Variants in RAB5C observed in about 807,000 individuals in gnomAD.
RAB5C encodes RAB5C, member RAS oncogene family.
A neutral mutation model predicts 25.2 loss-of-function variants in RAB5C; 4 were observed. The observed-to-expected ratio is 0.16, with a 90% CI of 0.08 to 0.36. The LOEUF is 0.36. Ranked by LOEUF, RAB5C falls within the 10% of genes least tolerant of loss-of-function variation. The pLI, the probability that RAB5C is intolerant of heterozygous loss-of-function variation, is 1.00. For synonymous variants in RAB5C, 100 were observed against 106.4 expected, an observed-to-expected ratio of 0.94 and a Z score of 0.37; for missense variants, 199 against 283.8, an observed-to-expected ratio of 0.70 and a Z score of 2.15.
rs777690967 is a variant in RAB5C at position 42,128,353 on chromosome 17, T to G, written c.349A>C (p.Lys117Gln). The change falls in exon 4 of 6, where the codon AAG becomes CAG. Residue 117 changes from lysine to glutamine, a missense_variant. Physicochemically the swap from Lys to Gln is moderately conservative, Grantham distance 53. Coordinates refer to ENST00000346213, the MANE Select transcript of RAB5C (RefSeq NM_004583.4). Reference protein sequence around the residue: ...DTFARAKNWVKELQRQASPNI... With the variant: ...DTFARAKNWVQELQRQASPNI... ...GGGCTGGCCTGCCTCTGTAGCTCCT[T>G]CACCCAGTTCTTGGCCCGTGCAAAT... 3.1e-6 allele frequency: 5 copies of G among 1,614,068 alleles called. No individual in the cohort carries two copies. Among genetic ancestry groups the G allele is most frequent in the Non-Finnish European group, 2.5e-6 (3 of 1,179,958 alleles).
Position 42,128,608 on chromosome 17 carries a change from G to A in RAB5C, c.318+41C>T, listed in dbSNP as rs554699064. The stretch of plus-strand genomic sequence containing the variant: ...GATAACCCAATCCCTGGGACTTTGA[G>A]AAGATGAAGGGCAAAGGAAGAAGCA... On this transcript the variant is annotated intron_variant, in intron 3 of 5. Transcript: ENST00000346213. 8 of 1,438,030 alleles carry A rather than the reference G, an allele frequency of 5.6e-6. No homozygotes were observed. The African/African-American group carries it at 1.2e-4, about 21-fold the overall frequency. The allele number at this position is 1,438,030 out of a possible 1,614,324, so 89.1% of individuals were successfully genotyped here. A position where few individuals can be genotyped will look rare whatever the true frequency, so the allele number is the denominator to read the frequency against.
intron 1 of RAB5C, among the ~76,000 whole-genome samples, chr17:42,153,418 A>AAAAC (rs956602093): frequency 3.9e-5 from 6 of 152,154 alleles, no homozygotes; most frequent in Admixed American, 2.6e-4. Context: ...CTCCATCTCA[A>AAAAC]AAACAAACAA....
rs952938405 is a variant in RAB5C, at chr17:42,145,184, A to G, written c.-89+9709T>C. 2.0e-5 allele frequency among the ~76,000 whole-genome samples: 3 copies of G among 151,994 alleles called. No individual in the cohort carries two copies. In the East Asian group the frequency reaches 5.8e-4, roughly 29 times the overall value. On this transcript the variant is annotated intron_variant, in intron 1 of 5. Transcript: ENST00000346213. Reference sequence around the variant, plus strand: ...TGAGACTCCATCTCAAAAAAAACAGAAAAAGAAAAAATAATTTAGTAACTC... The same window carrying G: ...TGAGACTCCATCTCAAAAAAAACAGGAAAAGAAAAAATAATTTAGTAACTC...
At chr17:42,153,307 C>T (rs556148720) in intron 1 of RAB5C, among the ~76,000 whole-genome samples, 5 of 152,198 alleles carry the variant, frequency 3.3e-5, no homozygotes, top group African/African-American at 1.2e-4. Flanking sequence ...ATCCCAGCTA[C>T]TCAGGAGGCT....
chr17:42,125,779 G>C lies in RAB5C; in HGVS notation c.*4C>G. On this transcript the variant is annotated 3_prime_UTR_variant, in exon 6 of 6. Transcript: ENST00000346213. ...GGCGGGGGCAGCGGGCAGGCAAGGG[G>C]GGCTCAGTTGCTGCAGCACTGGCTC... 6.3e-7 allele frequency: 1 copy of C among 1,594,458 alleles called. No homozygotes were observed. Among genetic ancestry groups the C allele is most frequent in the Non-Finnish European group, 8.5e-7 (1 of 1,170,760 alleles).
intron 1 of RAB5C, among the ~76,000 whole-genome samples, chr17:42,136,678 T>C (rs2054539713): frequency 6.6e-6 from 1 of 152,190 alleles, no homozygotes; most frequent in Non-Finnish European, 1.5e-5. Context: ...GGCAGGTTTA[T>C]TACCCCAGAG....
intron 2 of RAB5C, among the ~76,000 whole-genome samples, chr17:42,129,792 T>C (rs915600552): frequency 6.6e-6 from 1 of 152,220 alleles, no homozygotes; most frequent in African/African-American, 2.4e-5. Flanking sequence ...CCTCTTGATG[T>C]GTGTGTTAGC....
At chr17:42,128,495 A>T in intron 3 of RAB5C, 112 bp from the exon 4 acceptor site, 1 of 1,457,388 alleles carries the variant, frequency 6.9e-7, no homozygotes, top group East Asian at 2.5e-5. Flanking sequence ...ATTGCCACCT[A>T]AAGATTCTGA....
At position 42,125,810 on chromosome 17, in the gene RAB5C, G is replaced by T; in HGVS notation, c.624C>A (p.Ala208=). 6.2e-7 allele frequency: 1 copy of T among 1,609,128 alleles called. No individual in the cohort carries two copies. Among genetic ancestry groups the T allele is most frequent in the Non-Finnish European group, 8.5e-7 (1 of 1,178,130 alleles). The change falls in exon 6 of 6, where the codon GCC becomes GCA. Residue 208 remains alanine (A), a synonymous_variant. Transcript: ENST00000346213. ...RGVDLQENNP[A]SRSQCCSN ...AGTTGCTGCAGCACTGGCTCCGGCT[G>T]GCTGGGTTGTTCTCCTGGAGGTCCA... is the stretch of plus-strand genomic sequence containing the variant.
intron 4 of RAB5C, among the ~76,000 whole-genome samples, chr17:42,127,366 G>A (rs1196583725): frequency 6.6e-6 from 1 of 152,140 alleles, no homozygotes; most frequent in Non-Finnish European, 1.5e-5. Flanking sequence ...AGTTTCTAGG[G>A]TTAGCAGAGA....
intron 4 of RAB5C, 151 bp downstream of exon 4, chr17:42,128,110 T>TTA: frequency 2.6e-6 from 3 of 1,134,326 alleles, no homozygotes; most frequent in Non-Finnish European, 3.6e-6. Context: ...AGGAGCCATG[T>TTA]TAGGCCCATG....
At chr17:42,128,530 T>TGGGGGGGGGGGGGGGGGGGGGGG in intron 3 of RAB5C, 119 bp downstream of exon 3, 4 of 730,792 alleles carry the variant, frequency 5.5e-6, no homozygotes, top group Non-Finnish European at 8.2e-6. Context: ...ACAGGAAATC[T>TGGGGGGGGGGGGGGGGGGGGGGG]GCCCACCCCC....
At chr17:42,125,934 T>C (rs753037698) in intron 5 of RAB5C, 36 bp from the exon 6 acceptor site, 6 of 1,446,640 alleles carry the variant, frequency 4.1e-6, no homozygotes, top group Admixed American at 3.8e-5. Context: ...TTGTTGGGGG[T>C]ACCCCAATAA....
intron 1 of RAB5C, among the ~76,000 whole-genome samples, chr17:42,149,587 T>TA (rs1441380089): frequency 6.6e-6 from 1 of 152,034 alleles, no homozygotes; most frequent in East Asian, 1.9e-4. Context: ...CAAAAATAAA[T>TA]AAATTAATTA....
rs71357528 is a variant in RAB5C, at chr17:42,126,631, CAAAAAAA to C, written c.535+117_535+123del. 5.1e-4 allele frequency: 43 copies of C among 84,534 alleles called. 1 individual carries two copies. The highest frequency in any genetic ancestry group is 3.5e-3 in the Admixed American group (20 of 5,662). 5.2% of individuals were successfully genotyped at this position (84,534 alleles called of 1,614,324 possible). On this transcript the variant is annotated intron_variant, in intron 5 of 5. Coordinates refer to ENST00000346213, the MANE Select transcript of RAB5C (RefSeq NM_004583.4). ...TGGGTGATAGAGCGAGACTCCATCT[CAAAAAAA>C]AAAAAAAAAAAAAAAAAAAAGAGTG... is the stretch of plus-strand genomic sequence containing the variant.
chr17:42,126,869 A>T (rs367614044), intron 4 of RAB5C, 21 bp from the exon 5 acceptor site: 1 of 1,537,136 alleles, frequency 6.5e-7, no homozygotes, highest in African/African-American at 1.5e-5. Context: ...TGGAGGTGAG[A>T]GGAGGTGAGA....
chr17:42,141,948 C>T lies in RAB5C; in HGVS notation c.-88-11358G>A, dbSNP rs183383401. On this transcript the variant is annotated intron_variant, in intron 1 of 5. Coordinates refer to ENST00000346213, the MANE Select transcript of RAB5C (RefSeq NM_004583.4). ...CACATTCCTCTTACCTCCAGTTTCCCGGGACTCCATTCTTCAGCACCTCTC... is the reference window on the plus strand; with the variant it reads ...CACATTCCTCTTACCTCCAGTTTCCTGGGACTCCATTCTTCAGCACCTCTC... Among the ~76,000 whole-genome samples, 940 of 152,182 alleles carry T rather than the reference C, an allele frequency of 6.2e-3. 8 individuals carry two copies. The highest frequency in any genetic ancestry group is 0.021 in the African/African-American group (887 of 41,518).
At chr17:42,140,973 C>T (rs927672703) in intron 1 of RAB5C, among the ~76,000 whole-genome samples, 8 of 151,948 alleles carry the variant, frequency 5.3e-5, no homozygotes, top group South Asian at 2.1e-4. Context: ...GGACTACGGG[C>T]GCATGCCACC....
chr17:42,151,222 G>T (rs1394744200), intron 1 of RAB5C, among the ~76,000 whole-genome samples: 1 of 152,182 alleles, frequency 6.6e-6, no homozygotes, highest in Non-Finnish European at 1.5e-5. Flanking sequence ...GGATCACGAG[G>T]TCAGGAGATC....
Sources: allele counts gnomAD v4.1 joint callset (sites outside exome capture counted in the v4.1 genomes callset), GRCh38; gene constraint gnomAD v4.1.1; transcripts MANE v1.5; gene names NCBI Gene and HGNC (gene_info 2026-07-23, HGNC 2026-07-21).